Variants in IGSF10 observed in about 807,000 individuals in gnomAD.
The protein encoded by IGSF10 is calvaria mechanical force protein 608.
A neutral mutation model predicts 128.2 loss-of-function variants in IGSF10; 126 were observed. The ratio of observed to expected loss-of-function variants is 0.98; its 90% CI spans 0.85 to 1.14. IGSF10 has a LOEUF of 1.14. IGSF10 is among the 50% of genes most tolerant of loss of function. The pLI is 0.00. For missense variants in IGSF10, 3,295 were observed against 3,149.8 expected, an observed-to-expected ratio of 1.05 and a Z score of -1.10; for synonymous variants, 1,185 against 1,146.2, an observed-to-expected ratio of 1.03 and a Z score of -0.68.
chr3:151,605,306 G>A, the IGSF10 span, among the ~76,000 whole-genome samples: 3 of 152,096 alleles, frequency 2.0e-5, no homozygotes, highest in Non-Finnish European at 4.4e-5. Flanking sequence ...TAGAATCTGT[G>A]GGGATCAATT....
chr3:151,486,529 C>T, the IGSF10 span, among the ~76,000 whole-genome samples: 43,799 of 152,144 alleles, frequency 0.29, 6,966 homozygotes, highest in Middle Eastern at 0.38. Context: ...CTCAGCACTA[C>T]ATTTTACTTA....
the IGSF10 span, among the ~76,000 whole-genome samples, chr3:151,503,930 G>A: frequency 1.3e-5 from 2 of 152,010 alleles, no homozygotes; most frequent in African/African-American, 4.8e-5. Flanking sequence ...TACCAGTCTG[G>A]GTGGTGCCTG....
At chr3:151,464,440 C>CT (rs1440085087), upstream of IGSF10, among the ~76,000 whole-genome samples, 1 of 152,118 alleles carries the variant, frequency 6.6e-6, no homozygotes, top group Non-Finnish European at 1.5e-5. Context: ...CTAGTAATTA[C>CT]TACTTCTTAC....
At chr3:151,514,800 G>A in the IGSF10 span, among the ~76,000 whole-genome samples, 65 of 152,162 alleles carry the variant, frequency 4.3e-4, no homozygotes, top group African/African-American at 1.5e-3. Flanking sequence ...ATCAAAAAGT[G>A]GGCAAAGGAT....
rs1273049541 is a variant in IGSF10 at position 151,436,715 on chromosome 3, C to T, written c.7846G>A (p.Ala2616Thr). 6.2e-7 allele frequency: 1 copy of T among 1,611,728 alleles called. No individual in the cohort carries two copies. The highest frequency in any genetic ancestry group is 1.3e-5 in the African/African-American group (1 of 74,886). The change falls in exon 8 of 8, where the codon GCA (alanine) becomes ACA (threonine). Residue 2616 changes from alanine (A) to threonine (T), a missense_variant. Coordinates refer to ENST00000282466, the MANE Select transcript of IGSF10 (RefSeq NM_178822.5). ...TAKNPLGSDY[A>T]ATYIQVI is the part of the protein sequence containing the mutation. ...CAGATTACTTGAATATACGTTGCTG[C>T]ATAATCACTACCAAGTGGGTTCTTT... is the stretch of plus-strand genomic sequence containing the variant.
chr3:151,560,774 C>A, the IGSF10 span, among the ~76,000 whole-genome samples: 1 of 151,968 alleles, frequency 6.6e-6, no homozygotes, highest in African/African-American at 2.4e-5. Context: ...AAATCCACAC[C>A]AGTTCTTGGA....
the IGSF10 span, among the ~76,000 whole-genome samples, chr3:151,486,703 A>G: frequency 6.6e-6 from 1 of 152,146 alleles, no homozygotes; most frequent in Non-Finnish European, 1.5e-5. Flanking sequence ...AACCTCCTGA[A>G]TGACTACTCA....
the IGSF10 span, among the ~76,000 whole-genome samples, chr3:151,527,451 CAG>C: frequency 1.3e-5 from 2 of 152,090 alleles, no homozygotes; most frequent in African/African-American, 4.8e-5. Context: ...AGTGATAAGG[CAG>C]ATATTCAAAT....
chr3:151,547,427 TATACACACACAC>T, the IGSF10 span, among the ~76,000 whole-genome samples: 4 of 140,676 alleles, frequency 2.8e-5, no homozygotes, highest in African/African-American at 1.1e-4. Flanking sequence ...TAAATATATA[TATACACACACAC>T]ACACACACAC....
chr3:151,614,388 A>C, the IGSF10 span, among the ~76,000 whole-genome samples: 2 of 152,252 alleles, frequency 1.3e-5, no homozygotes, highest in African/African-American at 4.8e-5. Context: ...TTATAGCGGC[A>C]CTATTCACAC....
chr3:151,511,107 C>A, the IGSF10 span, among the ~76,000 whole-genome samples: 3 of 152,120 alleles, frequency 2.0e-5, no homozygotes, highest in African/African-American at 4.8e-5. Context: ...TCAGGAAATA[C>A]AGAGAACGCC....
At chr3:151,533,911 A>G in the IGSF10 span, among the ~76,000 whole-genome samples, 2 of 152,360 alleles carry the variant, frequency 1.3e-5, no homozygotes, top group South Asian at 4.1e-4. Flanking sequence ...TCCATCTGAC[A>G]AAGGGCTAAT....
intron 7 of IGSF10, among the ~76,000 whole-genome samples, chr3:151,439,816 T>C (rs895026324): frequency 9.9e-5 from 15 of 152,186 alleles, no homozygotes; most frequent in African/African-American, 3.6e-4. Context: ...AGATCTTTCC[T>C]GGTAAAACTA....
At chr3:151,508,100 G>C in the IGSF10 span, among the ~76,000 whole-genome samples, 1 of 151,990 alleles carries the variant, frequency 6.6e-6, no homozygotes, top group African/African-American at 2.4e-5. Context: ...CTAGATACGA[G>C]AGAAGCAATT....
chr3:151,436,835 CTTTACTTGCCG>C lies in IGSF10; in HGVS notation c.7715_7725del (p.Thr2572ArgfsTer7), dbSNP rs766630888. ...AGCTGCTCACTTCCATGTGTCCTCT[CTTTACTTGCCG>C]TTGAGAGAAGGGAGTGGTCAGGCAT... is the stretch of plus-strand genomic sequence containing the variant. On this transcript the variant is annotated frameshift_variant, in exon 8 of 8. Coordinates refer to ENST00000282466, the MANE Select transcript of IGSF10 (RefSeq NM_178822.5). LOFTEE classifies it low-confidence loss of function (END_TRUNC). 6.2e-7 allele frequency: 1 copy of C among 1,614,196 alleles called. No homozygotes were observed. Among genetic ancestry groups the C allele is most frequent in the African/African-American group, 1.3e-5 (1 of 75,052 alleles).
At chr3:151,607,080 T>C in the IGSF10 span, among the ~76,000 whole-genome samples, 1 of 152,128 alleles carries the variant, frequency 6.6e-6, no homozygotes, top group Non-Finnish European at 1.5e-5. Flanking sequence ...TTGGATTAGA[T>C]TATTTGTGAA....
chr3:151,613,755 A>G, the IGSF10 span, among the ~76,000 whole-genome samples: 1 of 152,244 alleles, frequency 6.6e-6, no homozygotes, highest in African/African-American at 2.4e-5. Context: ...CATTCAGGAC[A>G]TAGGCATGGG....
At chr3:151,534,811 G>A in the IGSF10 span, among the ~76,000 whole-genome samples, 2 of 151,246 alleles carry the variant, frequency 1.3e-5, no homozygotes, top group Non-Finnish European at 2.9e-5. Flanking sequence ...ATGTGTGTGT[G>A]TGTGTGTGTG....
chr3:151,521,092 A>G, the IGSF10 span, among the ~76,000 whole-genome samples: 1 of 152,034 alleles, frequency 6.6e-6, no homozygotes, highest in East Asian at 1.9e-4. Flanking sequence ...AATTTCAGAC[A>G]AAACAGACTT....
Sources: gnomAD v4.1 joint callset for allele counts (sites outside exome capture counted in the v4.1 genomes callset) on GRCh38, gnomAD v4.1.1 for gene constraint, MANE v1.5 for transcripts, NCBI Gene and HGNC (gene_info 2026-07-23, HGNC 2026-07-21) for gene names.